EPHA6: variants seen among roughly 807,000 people sequenced by gnomAD.
EPHA6 encodes the protein ephrin type-A receptor 6.
In EPHA6, 50 loss-of-function variants were observed where a neutral mutation model predicts 112.0. That is an observed-to-expected ratio of 0.45 (90% confidence interval 0.36 to 0.56). The LOEUF (loss-of-function observed/expected upper bound fraction) is 0.56. EPHA6 is among the 20% of genes least tolerant of loss of function. EPHA6 has a pLI of 0.00. For missense variants in EPHA6, 1,280 were observed against 1,417.4 expected (o/e 0.90, Z 1.56); for synonymous variants, 529 against 490.7 (o/e 1.08, Z -1.03).
chr3:97,697,520 T>C (rs1408045689), intron 14 of EPHA6, among the ~76,000 whole-genome samples: 2 of 152,114 alleles, frequency 1.3e-5, no homozygotes, highest in Non-Finnish European at 2.9e-5. Context: ...AAAAGATGAA[T>C]GTGTCACAGA....
At chr3:97,521,446 A>G (rs185999803) in intron 10 of EPHA6, among the ~76,000 whole-genome samples, 1 of 152,310 alleles carries the variant, frequency 6.6e-6, no homozygotes, top group East Asian at 1.9e-4. Context: ...ACTTACAATT[A>G]TGGTGGAAGA....
At chr3:97,555,979 A>G (rs1440115351) in intron 11 of EPHA6, among the ~76,000 whole-genome samples, 3 of 152,000 alleles carry the variant, frequency 2.0e-5, no homozygotes, top group African/African-American at 7.2e-5. Context: ...GCCAAAGCTC[A>G]TAGGTCCCAA....
chr3:97,520,552 T>C (rs919800347), intron 10 of EPHA6, among the ~76,000 whole-genome samples: 1 of 152,238 alleles, frequency 6.6e-6, no homozygotes, highest in African/African-American at 2.4e-5. Flanking sequence ...TTCTGGCCTG[T>C]AAGGCTTCTG....
intron 14 of EPHA6, among the ~76,000 whole-genome samples, chr3:97,654,376 G>C (rs1303301683): frequency 6.6e-6 from 1 of 151,912 alleles, no homozygotes; most frequent in Non-Finnish European, 1.5e-5. Flanking sequence ...AGTACCTACT[G>C]TTTTGGTAGG....
rs950732918 is a variant in EPHA6, at chr3:96,983,553, A to G, written c.451-3777A>G. ...GTCTTGGAGTTGCTCTTCTCGAGGA[A>G]TATCTTTGTGGCATTCTCTGTATTT... On this transcript the variant is annotated intron_variant, in intron 2 of 17. Coordinates refer to ENST00000389672, the MANE Select transcript of EPHA6 (RefSeq NM_001080448.3). 4.6e-5 allele frequency among the ~76,000 whole-genome samples: 7 copies of G among 152,168 alleles called. No individual in the cohort carries two copies. In the East Asian group the frequency reaches 1.2e-3, roughly 25 times the overall value.
rs536522595 is a variant in EPHA6 at position 97,592,521 on chromosome 3, C to T, written c.2387-91C>T. ...ATAACTTCTTCGTAAAATTTGATGT[C>T]TTTGTTGATTTTAGGTTTTATTCCA... On this transcript the variant is annotated intron_variant, in intron 11 of 17. Coordinates refer to ENST00000389672, the MANE Select transcript of EPHA6 (RefSeq NM_001080448.3). The T allele has an allele frequency of 2.7e-6, 4 of 1,463,566 alleles. No individual in the cohort carries two copies. In the East Asian group the frequency reaches 9.5e-5, roughly 35 times the overall value. The allele number at this position is 1,463,566 out of a possible 1,614,324, so 90.7% of individuals were successfully genotyped here. A position where few individuals can be genotyped will look rare whatever the true frequency, so the allele number is the denominator to read the frequency against.
intron 1 of EPHA6, among the ~76,000 whole-genome samples, chr3:96,850,380 C>A (rs980037657): frequency 6.6e-6 from 1 of 152,024 alleles, no homozygotes; most frequent in Admixed American, 6.6e-5. Context: ...CCTGGAAGTG[C>A]GCCATGAAGA....
At chr3:96,906,505 A>G (rs1439501454) in intron 2 of EPHA6, among the ~76,000 whole-genome samples, 1 of 152,086 alleles carries the variant, frequency 6.6e-6, no homozygotes, top group Non-Finnish European at 1.5e-5. Context: ...TCTTCCAACA[A>G]GTGAACTCAT....
At chr3:97,096,741 A>G (rs2047251575) in intron 3 of EPHA6, among the ~76,000 whole-genome samples, 1 of 151,988 alleles carries the variant, frequency 6.6e-6, no homozygotes, top group African/African-American at 2.4e-5. Context: ...GAGTGGTTTT[A>G]ATAATAAAAA....
chr3:97,388,892 GT>G (rs879696687), intron 5 of EPHA6, among the ~76,000 whole-genome samples: 1 of 152,018 alleles, frequency 6.6e-6, no homozygotes. Flanking sequence ...CTATTCTGAG[GT>G]TTTTTCTGCA....
At chr3:97,159,226 C>G (rs539561616) in intron 3 of EPHA6, among the ~76,000 whole-genome samples, 2 of 152,088 alleles carry the variant, frequency 1.3e-5, no homozygotes, top group African/African-American at 4.8e-5. Flanking sequence ...ATTGTGGAGT[C>G]GTGTTTCAGT....
chr3:96,992,257 T>G (rs1291453976), intron 3 of EPHA6, among the ~76,000 whole-genome samples: 1 of 152,202 alleles, frequency 6.6e-6, no homozygotes, highest in Non-Finnish European at 1.5e-5. Context: ...AACAATTTCT[T>G]TACTGATCTT....
chr3:97,475,934 T>C (rs2091358504), intron 8 of EPHA6, among the ~76,000 whole-genome samples: 2 of 152,100 alleles, frequency 1.3e-5, no homozygotes, highest in African/African-American at 4.8e-5. Context: ...GAATAAAATA[T>C]AAACTAACAG....
At chr3:97,210,648 A>G (rs1340630728) in intron 3 of EPHA6, among the ~76,000 whole-genome samples, 1 of 152,198 alleles carries the variant, frequency 6.6e-6, no homozygotes, top group Non-Finnish European at 1.5e-5. Context: ...ATAGGTTAGA[A>G]TGGACCTCTG....
chr3:97,238,444 T>C (rs989789324), intron 4 of EPHA6, among the ~76,000 whole-genome samples: 3 of 151,958 alleles, frequency 2.0e-5, no homozygotes, highest in Non-Finnish European at 2.9e-5. Flanking sequence ...TTCATTTCTT[T>C]AGTTAAAACA....
At chr3:97,479,754 A>G (rs564829523) in intron 9 of EPHA6, among the ~76,000 whole-genome samples, 1 of 152,212 alleles carries the variant, frequency 6.6e-6, no homozygotes, top group Non-Finnish European at 1.5e-5. Context: ...TTTTAAATAT[A>G]TAACAAATCA....
chr3:97,637,308 T>C (rs548422126), intron 13 of EPHA6, among the ~76,000 whole-genome samples: 169 of 152,306 alleles, frequency 1.1e-3, no homozygotes, highest in African/African-American at 3.8e-3. Flanking sequence ...GAAAACTCTA[T>C]TTCTTTTCTG....
intron 3 of EPHA6, among the ~76,000 whole-genome samples, chr3:97,040,004 C>G (rs1479314239): frequency 6.6e-6 from 1 of 151,822 alleles, no homozygotes; most frequent in Non-Finnish European, 1.5e-5. Context: ...TTGAGACATA[C>G]TATTGACTCC....
At position 97,526,173 on chromosome 3, in the gene EPHA6, A is replaced by G. The variant is rs556670504; in HGVS notation, c.2201-6185A>G. Among the ~76,000 whole-genome samples the G allele has an allele frequency of 1.4e-3, 208 of 152,320 alleles. 1 individual carries two copies. Among genetic ancestry groups the G allele is most frequent in the South Asian group, 4.3e-3 (21 of 4,830 alleles). On this transcript the variant is annotated intron_variant, in intron 10 of 17. Transcript: ENST00000389672. Reference sequence around the variant, plus strand: ...TTATAGGGCCATTTAAAGATCCACAATGGGACAGAGGTGAGGGATTCAGCC... The same window carrying G: ...TTATAGGGCCATTTAAAGATCCACAGTGGGACAGAGGTGAGGGATTCAGCC...
Sources: gnomAD v4.1 joint callset for allele counts (sites outside exome capture counted in the v4.1 genomes callset) on GRCh38, gnomAD v4.1.1 for gene constraint, MANE v1.5 for transcripts, NCBI Gene and HGNC (gene_info 2026-07-23, HGNC 2026-07-21) for gene names.